NEDD9: variants seen among roughly 807,000 people sequenced by gnomAD.
NEDD9 encodes the protein neural precursor cell expressed, developmentally down-regulated 9.
NEDD9 carries 26 observed loss-of-function variants against 76.6 expected under a neutral mutation model. The observed-to-expected ratio is 0.34, with a 90% CI of 0.25 to 0.47. The LOEUF is 0.47. NEDD9 is among the 20% of genes least tolerant of loss of function. NEDD9 has a pLI of 1.00. For synonymous variants in NEDD9, 392 were observed against 414.2 expected (o/e 0.95, Z 0.65); for missense variants, 937 against 1,058.5 (o/e 0.89, Z 1.59).
chr6:11,375,679 T>C (rs1355411494), intron 1 of NEDD9, among the ~76,000 whole-genome samples: 2 of 152,112 alleles, frequency 1.3e-5, no homozygotes, highest in African/African-American at 4.8e-5. Flanking sequence ...CTCCCTTCTG[T>C]CCTTTTCTCT....
chr6:11,304,289 T>TA (rs1561823874), intron 3 of NEDD9, among the ~76,000 whole-genome samples: 1 of 152,108 alleles, frequency 6.6e-6, no homozygotes, highest in African/African-American at 2.4e-5. Context: ...TGGCCATCAT[T>TA]AAAAAGTCAG....
intron 1 of NEDD9, among the ~76,000 whole-genome samples, chr6:11,362,240 G>A (rs990805749): frequency 6.6e-6 from 1 of 152,144 alleles, no homozygotes; most frequent in Non-Finnish European, 1.5e-5. Flanking sequence ...CCCAGAGGAG[G>A]GCCTCAACAG....
chr6:11,290,043 C>T (rs1400887084), intron 3 of NEDD9, among the ~76,000 whole-genome samples: 4 of 152,032 alleles, frequency 2.6e-5, no homozygotes, highest in African/African-American at 7.3e-5. Flanking sequence ...GACGGTTCCA[C>T]GGGGGCAAAG....
At chr6:11,381,234 C>T (rs938316010) in intron 1 of NEDD9, among the ~76,000 whole-genome samples, 2 of 152,234 alleles carry the variant, frequency 1.3e-5, no homozygotes, top group South Asian at 4.1e-4. Flanking sequence ...ACACCCCATG[C>T]TGGGTGGGAA....
intron 2 of NEDD9, among the ~76,000 whole-genome samples, chr6:11,319,755 T>TGCACACTAACATGCACACTCAC (rs1399139237): frequency 9.4e-5 from 7 of 74,118 alleles, no homozygotes; most frequent in Non-Finnish European, 1.9e-4. Context: ...CACACTAACA[T>TGCACACTAACATGCACACTCAC]GCACACTAAC....
intron 3 of NEDD9, among the ~76,000 whole-genome samples, chr6:11,269,929 A>C (rs7757297): frequency 0.7 from 107,053 of 152,100 alleles, 39,033 homozygotes; most frequent in African/African-American, 0.91. Context: ...GAGTTGTAGC[A>C]CAGCCTGGCC....
chr6:11,360,815 G>A (rs936064564), intron 1 of NEDD9, among the ~76,000 whole-genome samples: 1 of 152,102 alleles, frequency 6.6e-6, no homozygotes, highest in Admixed American at 6.5e-5. Context: ...AATACATCAG[G>A]GAAGGCTACC....
chr6:11,326,528 CA>C (rs1254040354), intron 2 of NEDD9, among the ~76,000 whole-genome samples: 3 of 152,242 alleles, frequency 2.0e-5, no homozygotes, highest in Non-Finnish European at 4.4e-5. Flanking sequence ...AAAGTATTGC[CA>C]AAGTCTATGA....
chr6:11,202,142 A>G (rs1758472071), intron 2 of NEDD9, among the ~76,000 whole-genome samples: 1 of 152,238 alleles, frequency 6.6e-6, no homozygotes, highest in African/African-American at 2.4e-5. Flanking sequence ...TGAATTTAAA[A>G]GTAGGTTTTA....
At chr6:11,231,936 A>G (rs1359487282) in intron 1 of NEDD9, among the ~76,000 whole-genome samples, 1 of 152,212 alleles carries the variant, frequency 6.6e-6, no homozygotes, top group Non-Finnish European at 1.5e-5. Context: ...ATTTATTCCT[A>G]CATCCAATAT....
At chr6:11,380,290 A>T (rs1377482181) in intron 1 of NEDD9, among the ~76,000 whole-genome samples, 3 of 152,220 alleles carry the variant, frequency 2.0e-5, no homozygotes, top group African/African-American at 7.2e-5. Context: ...GTTCGAGGAC[A>T]TGTAGTTTAA....
intron 3 of NEDD9, among the ~76,000 whole-genome samples, chr6:11,246,555 G>A (rs537895565): frequency 2.0e-4 from 31 of 152,186 alleles, no homozygotes; most frequent in Non-Finnish European, 4.3e-4. Flanking sequence ...GACAGGCTGC[G>A]GTTTAACCAA....
At chr6:11,193,302 T>C (rs1758207168) in intron 3 of NEDD9, among the ~76,000 whole-genome samples, 1 of 149,988 alleles carries the variant, frequency 6.7e-6, no homozygotes, top group East Asian at 1.9e-4. Flanking sequence ...CAAAGTGAGA[T>C]TCTGTCTTAA....
chr6:11,294,474 C>T (rs757614485), intron 3 of NEDD9, among the ~76,000 whole-genome samples: 20 of 152,096 alleles, frequency 1.3e-4, no homozygotes, highest in Non-Finnish European at 2.5e-4. Context: ...CTCTCTCCCT[C>T]TCCTGTTCCA....
chr6:11,363,571 G>C (rs1427852493), intron 1 of NEDD9, among the ~76,000 whole-genome samples: 1 of 152,102 alleles, frequency 6.6e-6, no homozygotes, highest in African/African-American at 2.4e-5. Context: ...GCAACCTAAT[G>C]GTGCTTATAG....
rs115663891 is a variant in NEDD9, at chr6:11,185,939, G to A, written c.1996-268C>T. Among the ~76,000 whole-genome samples, 1,235 of 152,296 alleles carry A rather than the reference G, an allele frequency of 8.1e-3. 7 individuals are homozygous for A. Among genetic ancestry groups the A allele is most frequent in the South Asian group, 0.023 (112 of 4,820 alleles). ...TAGAAGGTAGCATAGTGTTTAAACC[G>A]CAGCCCTGTTACCTACACCTTTATG... On this transcript the variant is annotated intron_variant, in intron 6 of 6. Transcript: ENST00000379446.
intron 2 of NEDD9, among the ~76,000 whole-genome samples, chr6:11,306,625 C>A (rs140958069): frequency 1.7e-3 from 262 of 152,272 alleles, no homozygotes; most frequent in African/African-American, 5.9e-3. Flanking sequence ...TTTCTACTCT[C>A]CCATCCCTGA....
chr6:11,213,084 C>A lies in NEDD9; in HGVS notation c.459+197G>T, dbSNP rs192330265. Among the ~76,000 whole-genome samples, 3 of 152,320 alleles carry A rather than the reference C, an allele frequency of 2.0e-5. No homozygotes were observed. The highest frequency in any genetic ancestry group is 4.4e-5 in the Non-Finnish European group (3 of 68,032). ...GGCTGGAAATCAACTGTACTCAGCA[C>A]ATGGTAGTTCAAAGAAGTTTTGCTG... On this transcript the variant is annotated intron_variant, in intron 2 of 6. Coordinates refer to ENST00000379446, the MANE Select transcript of NEDD9 (RefSeq NM_006403.4). This position sits in a 1 kb window ranked among gnomAD's most constrained non-coding sequence, Gnocchi z 5.4.
intron 2 of NEDD9, among the ~76,000 whole-genome samples, 174 bp from the exon 3 acceptor site, chr6:11,193,866 T>C (rs921025566): frequency 2.6e-5 from 4 of 152,072 alleles, no homozygotes; most frequent in African/African-American, 9.7e-5. Context: ...TAAACTTTTT[T>C]TTTTTTTTTT....
Sources: allele counts gnomAD v4.1 joint callset (sites outside exome capture counted in the v4.1 genomes callset), GRCh38; gene constraint gnomAD v4.1.1; non-coding constraint Gnocchi (gnomAD v3.1); transcripts MANE v1.5; gene names NCBI Gene and HGNC (gene_info 2026-07-23, HGNC 2026-07-21).